CNNM1: variants seen among roughly 807,000 people sequenced by gnomAD.
CNNM1 encodes the protein cyclin and CBS domain divalent metal cation transport mediator 1, also known as metal transporter CNNM1.
In CNNM1, 44 loss-of-function variants were observed where a neutral mutation model predicts 78.8. The observed-to-expected ratio is 0.56, with a 90% CI of 0.44 to 0.72. CNNM1 has a LOEUF of 0.72. CNNM1 is among the 30% of genes least tolerant of loss of function. The pLI is 0.00. For synonymous variants in CNNM1, 584 were observed against 581.5 expected (o/e 1.00, Z -0.06); for missense variants, 1,101 against 1,292.2 (o/e 0.85, Z 2.27).
At chr10:99,363,521 C>A (rs1394766720) in intron 4 of CNNM1, among the ~76,000 whole-genome samples, 2 of 152,050 alleles carry the variant, frequency 1.3e-5, no homozygotes, top group Admixed American at 6.6e-5. Flanking sequence ...TCCTAACTAA[C>A]CTGGACCAAG....
At chr10:99,351,288 A>T (rs1292851127) in intron 1 of CNNM1, among the ~76,000 whole-genome samples, 1 of 152,192 alleles carries the variant, frequency 6.6e-6, no homozygotes, top group African/African-American at 2.4e-5. Context: ...GGAGATTAGT[A>T]CAGAAGCCAC....
chr10:99,334,637 A>C (rs10883330), intron 1 of CNNM1, among the ~76,000 whole-genome samples: 72,478 of 151,948 alleles, frequency 0.48, 20,123 homozygotes, highest in Non-Finnish European at 0.62. Context: ...GGTGACAGAG[A>C]AAGACTCTGT....
At chr10:99,333,895 G>A (rs1389037828) in intron 1 of CNNM1, among the ~76,000 whole-genome samples, 2 of 152,172 alleles carry the variant, frequency 1.3e-5, no homozygotes, top group Non-Finnish European at 2.9e-5. Flanking sequence ...AGCTCCTTTA[G>A]TGTTCTATTA....
At chr10:99,344,818 C>T (rs1386865334) in intron 1 of CNNM1, among the ~76,000 whole-genome samples, 2 of 152,210 alleles carry the variant, frequency 1.3e-5, no homozygotes, top group East Asian at 1.9e-4. Context: ...GATTTGAAGG[C>T]GAAGTGTAGC....
chr10:99,332,897 A>C (rs1418832915), intron 1 of CNNM1, among the ~76,000 whole-genome samples: 1 of 152,176 alleles, frequency 6.6e-6, no homozygotes, highest in Non-Finnish European at 1.5e-5. Flanking sequence ...AGGTTCATCT[A>C]TCCACTCTTA....
At position 99,364,466 on chromosome 10, in the gene CNNM1, G is replaced by A; in HGVS notation, c.2078G>A (p.Gly693Glu). ...VGKEGLRFENGAFTYYGVPAI... is the reference protein window; with the variant it reads ...VGKEGLRFENEAFTYYGVPAI... Reference sequence around the variant, plus strand: ...AAGGAAGGCCTTCGCTTTGAAAATGGAGCCTTTACTTACTATGGCGTCCCA... The same window carrying A: ...AAGGAAGGCCTTCGCTTTGAAAATGAAGCCTTTACTTACTATGGCGTCCCA... Residue 693 changes from glycine (G) to glutamate (E), a missense_variant, in exon 5 of 11, where the codon GGA (glycine) becomes GAA (glutamate). By Grantham distance (98) the Gly-to-Glu change is moderately conservative. Around this residue, in one of 3 missense-constraint regions of CNNM1, gnomAD observed 348 missense variants for 384.5 expected, o/e 0.90. Transcript: ENST00000356713. The A allele has an allele frequency of 1.2e-6, 2 of 1,612,816 alleles. No homozygotes were observed. Among genetic ancestry groups the A allele is most frequent in the South Asian group, 2.2e-5 (2 of 90,632 alleles).
chr10:99,377,868 A>AG (rs1385450576), intron 7 of CNNM1, among the ~76,000 whole-genome samples: 1 of 151,898 alleles, frequency 6.6e-6, no homozygotes, highest in East Asian at 1.9e-4. Context: ...ATAATTAAAG[A>AG]GGAGGGGAGC....
intron 1 of CNNM1, among the ~76,000 whole-genome samples, chr10:99,353,685 G>A (rs1316809380): frequency 6.6e-6 from 1 of 152,316 alleles, no homozygotes; most frequent in African/African-American, 2.4e-5. Flanking sequence ...TCGGAATAAG[G>A]ATTGTGATTG....
chr10:99,374,369 A>G (rs1241332215), intron 6 of CNNM1, among the ~76,000 whole-genome samples: 1 of 152,198 alleles, frequency 6.6e-6, no homozygotes, highest in Non-Finnish European at 1.5e-5. Context: ...ACATGCCCTT[A>G]TTAAACAAAC....
intron 1 of CNNM1, among the ~76,000 whole-genome samples, chr10:99,331,753 G>T (rs529093863): frequency 6.6e-6 from 1 of 152,234 alleles, no homozygotes; most frequent in South Asian, 2.1e-4. Context: ...CAGGTTGGGG[G>T]TTAAAAGTTG....
intron 9 of CNNM1, among the ~76,000 whole-genome samples, chr10:99,389,197 C>T (rs1004659862): frequency 1.3e-5 from 2 of 152,082 alleles, no homozygotes; most frequent in Non-Finnish European, 2.9e-5. Flanking sequence ...AGGCGGATCA[C>T]CTAAGGCTAG....
intron 6 of CNNM1, among the ~76,000 whole-genome samples, chr10:99,370,579 T>C (rs574356700): frequency 6.6e-4 from 100 of 152,288 alleles, no homozygotes; most frequent in Admixed American, 1.6e-3. Context: ...AGGTCTGGGA[T>C]TTTTGTAGAA....
intron 2 of CNNM1, among the ~76,000 whole-genome samples, chr10:99,359,379 G>C (rs931019473): frequency 6.6e-6 from 1 of 152,148 alleles, no homozygotes; most frequent in Non-Finnish European, 1.5e-5. Flanking sequence ...AGCAGGTTAG[G>C]GTCTTTCTAC....
At chr10:99,365,258 A>G in intron 6 of CNNM1, 1 of 593,216 alleles carries the variant, frequency 1.7e-6, no homozygotes, top group Admixed American at 2.8e-5. Context: ...GTTGTGAGGG[A>G]AGGCACTGCT....
chr10:99,364,543 G>C, intron 5 of CNNM1, 27 bp downstream of exon 5: 1 of 1,552,758 alleles, frequency 6.4e-7, no homozygotes, highest in Non-Finnish European at 8.8e-7. Context: ...TTGTTTATTG[G>C]GAAAGTAATG....
intron 4 of CNNM1, 48 bp from the exon 5 acceptor site, chr10:99,364,369 G>A (rs2031538886): frequency 2.1e-6 from 3 of 1,401,464 alleles, no homozygotes; most frequent in Admixed American, 2.0e-5. Flanking sequence ...AGTAGAACTG[G>A]AAGTGCTCAT....
intron 1 of CNNM1, among the ~76,000 whole-genome samples, chr10:99,340,581 C>T (rs1241126492): frequency 3.3e-5 from 5 of 152,122 alleles, no homozygotes; most frequent in Non-Finnish European, 7.4e-5. Context: ...TGTCATAAAA[C>T]GAGTTCCTTC....
Position 99,360,981 on chromosome 10 carries a change from A to T in CNNM1, c.1858+6A>T, listed in dbSNP as rs748650302. 1 of 1,598,130 alleles carries T rather than the reference A, an allele frequency of 6.3e-7. No homozygotes were observed. The highest frequency in any genetic ancestry group is 8.6e-7 in the Non-Finnish European group (1 of 1,169,368). ...ACACCGCTTCATGGCCACAGGTAGG[A>T]CAAGTCTCCACTCCAGAGAAGCTAA... is the stretch of plus-strand genomic sequence containing the variant. On this transcript the variant is annotated splice_donor_region_variant and intron_variant, in intron 3 of 10. Transcript: ENST00000356713.
chr10:99,367,572 T>C (rs910730221), intron 6 of CNNM1, among the ~76,000 whole-genome samples: 1 of 152,190 alleles, frequency 6.6e-6, no homozygotes, highest in South Asian at 2.1e-4. Context: ...CATTTAGAAC[T>C]ATGATTCTTC....
Sources: gnomAD v4.1 joint callset for allele counts (sites outside exome capture counted in the v4.1 genomes callset) on GRCh38, gnomAD v4.1.1 for gene constraint, gnomAD v4.1.1 regional missense constraint, MANE v1.5 for transcripts, NCBI Gene and HGNC (gene_info 2026-07-23, HGNC 2026-07-21) for gene names.